Variants in DGKB observed in about 807,000 individuals in gnomAD.
DGKB encodes diacylglycerol kinase beta, also known as 90 kDa diacylglycerol kinase.
A neutral mutation model predicts 114.3 loss-of-function variants in DGKB; 67 were observed. The observed-to-expected ratio is 0.59, with a 90% CI of 0.48 to 0.72. The LOEUF (loss-of-function observed/expected upper bound fraction) is 0.72, where lower values mean the gene tolerates loss of function less well. Among genes scored for constraint, DGKB ranks in the 30% least tolerant of loss-of-function variants. The probability of loss-of-function intolerance (pLI) is 0.00; values close to 1 mark genes in which losing one functional copy is unlikely to be tolerated. For missense variants in DGKB, 907 were observed against 975.2 expected, an observed-to-expected ratio of 0.93 and a Z score of 0.93; for synonymous variants, 398 against 323.1, an observed-to-expected ratio of 1.23 and a Z score of -2.49.
chr7:14,234,464 G>C (rs991693527), intron 23 of DGKB, among the ~76,000 whole-genome samples: 1 of 151,968 alleles, frequency 6.6e-6, no homozygotes, highest in Non-Finnish European at 1.5e-5. Context: ...CATGAACCAC[G>C]CAATGCTAAG....
At chr7:14,411,969 T>C (rs1424116113) in intron 21 of DGKB, among the ~76,000 whole-genome samples, 2 of 152,188 alleles carry the variant, frequency 1.3e-5, no homozygotes, top group African/African-American at 4.8e-5. Context: ...TTAAGTGATA[T>C]TGATATACCA....
At chr7:14,509,570 T>C (rs149427276) in intron 20 of DGKB, among the ~76,000 whole-genome samples, 165 of 152,330 alleles carry the variant, frequency 1.1e-3, no homozygotes, top group African/African-American at 3.8e-3. Context: ...ATACATCTTA[T>C]TGAATGACTC....
chr7:14,424,110 C>A (rs759300727), intron 21 of DGKB, among the ~76,000 whole-genome samples: 3 of 152,044 alleles, frequency 2.0e-5, no homozygotes, highest in Non-Finnish European at 4.4e-5. Flanking sequence ...GTCTTCCATG[C>A]AAAAACCAGG....
chr7:14,704,286 A>T (rs1262524073), intron 6 of DGKB, among the ~76,000 whole-genome samples: 1 of 149,538 alleles, frequency 6.7e-6, no homozygotes, highest in Non-Finnish European at 1.5e-5. Context: ...ATACAAAAAA[A>T]AAAAAAAAAA....
At chr7:14,493,558 T>C (rs1483473412) in intron 20 of DGKB, among the ~76,000 whole-genome samples, 1 of 151,868 alleles carries the variant, frequency 6.6e-6, no homozygotes, top group East Asian at 1.9e-4. Context: ...CAAAGTGAAG[T>C]GAATAGGCAC....
intron 21 of DGKB, among the ~76,000 whole-genome samples, chr7:14,376,772 T>C (rs1367041641): frequency 6.6e-6 from 1 of 152,182 alleles, no homozygotes; most frequent in Non-Finnish European, 1.5e-5. Flanking sequence ...TAAATAACTT[T>C]TCTAGGATGA....
chr7:14,632,180 G>A (rs1436771611), intron 13 of DGKB, among the ~76,000 whole-genome samples: 1 of 151,876 alleles, frequency 6.6e-6, no homozygotes, highest in African/African-American at 2.4e-5. Context: ...ATAAATAAAA[G>A]CAACAGAAGG....
intron 20 of DGKB, among the ~76,000 whole-genome samples, chr7:14,528,350 C>T (rs1005481994): frequency 6.6e-6 from 1 of 151,988 alleles, no homozygotes; most frequent in South Asian, 2.1e-4. Flanking sequence ...ACCCACGATG[C>T]CTTACATATG....
chr7:14,914,254 G>A (rs1016665885), intron 1 of DGKB, among the ~76,000 whole-genome samples: 2 of 152,074 alleles, frequency 1.3e-5, no homozygotes, highest in African/African-American at 4.8e-5. Flanking sequence ...GAAAAGAAAG[G>A]CTGATATACC....
chr7:14,190,630 A>G (rs185696650), intron 23 of DGKB, among the ~76,000 whole-genome samples: 102 of 152,252 alleles, frequency 6.7e-4, no homozygotes, highest in African/African-American at 2.3e-3. Context: ...GAAATGATAA[A>G]GGAAAATCAA....
chr7:14,586,980 T>C (rs942690471), intron 17 of DGKB, among the ~76,000 whole-genome samples: 10 of 152,168 alleles, frequency 6.6e-5, no homozygotes, highest in Non-Finnish European at 1.3e-4. Context: ...ACAGCATACA[T>C]TCTGCAGCTC....
intron 23 of DGKB, among the ~76,000 whole-genome samples, chr7:14,255,934 A>G (rs1264681933): frequency 7.2e-6 from 1 of 138,760 alleles, no homozygotes; most frequent in Non-Finnish European, 1.6e-5. Flanking sequence ...CAGTGCACAT[A>G]TTTCTGTCCT....
At chr7:14,263,162 T>C (rs537570900) in intron 23 of DGKB, among the ~76,000 whole-genome samples, 2 of 152,302 alleles carry the variant, frequency 1.3e-5, no homozygotes, top group South Asian at 4.2e-4. Flanking sequence ...TTCAACTAGA[T>C]TAATTATTGA....
intron 21 of DGKB, among the ~76,000 whole-genome samples, chr7:14,391,471 C>T (rs1423519701): frequency 6.7e-6 from 1 of 149,898 alleles, no homozygotes; most frequent in East Asian, 1.9e-4. Flanking sequence ...CGCTTGAGCC[C>T]AGGCAAGACC....
chr7:14,363,591 G>A (rs529661630), intron 21 of DGKB, among the ~76,000 whole-genome samples: 12 of 152,204 alleles, frequency 7.9e-5, no homozygotes, highest in African/African-American at 2.9e-4. Context: ...GAAGAGATAA[G>A]ATTGTGCTAG....
intron 13 of DGKB, among the ~76,000 whole-genome samples, chr7:14,661,002 T>C (rs1352652363): frequency 3.4e-5 from 5 of 148,374 alleles, no homozygotes; most frequent in East Asian, 2.0e-4. Context: ...GCTAGCCATA[T>C]TTAGAAAGCT....
chr7:14,654,087 G>C (rs527848074), intron 13 of DGKB, among the ~76,000 whole-genome samples: 1 of 152,166 alleles, frequency 6.6e-6, no homozygotes, highest in Non-Finnish European at 1.5e-5. Context: ...AAAAGAGGAT[G>C]TCAACTTATC....
chr7:14,358,347 A>G (rs1814998139), intron 21 of DGKB, among the ~76,000 whole-genome samples: 2 of 152,024 alleles, frequency 1.3e-5, no homozygotes, highest in South Asian at 2.1e-4. Context: ...TTGATCTTCA[A>G]TCACCGATAC....
intron 20 of DGKB, among the ~76,000 whole-genome samples, chr7:14,550,155 T>G (rs931458103): frequency 6.6e-6 from 1 of 152,194 alleles, no homozygotes; most frequent in Non-Finnish European, 1.5e-5. Flanking sequence ...TTGGTTATTA[T>G]ATTATGGATC....
Sources: allele counts gnomAD v4.1 joint callset (sites outside exome capture counted in the v4.1 genomes callset), GRCh38; gene constraint gnomAD v4.1.1; transcripts MANE v1.5; gene names NCBI Gene and HGNC (gene_info 2026-07-23, HGNC 2026-07-21).